Variants in LRRC37B observed in about 807,000 individuals in gnomAD.
The protein encoded by LRRC37B is leucine rich repeat containing 37B, also known as leucine-rich repeat-containing protein 37B.
Under a neutral mutation model 98.3 loss-of-function variants are expected in LRRC37B, and 28 were observed. The ratio of observed to expected loss-of-function variants is 0.28; its 90% CI spans 0.21 to 0.39. The LOEUF (loss-of-function observed/expected upper bound fraction) is 0.39, where lower values mean the gene tolerates loss of function less well. LRRC37B is among the 10% of genes least tolerant of loss of function. The probability of loss-of-function intolerance (pLI) is 1.00; values close to 1 mark genes in which losing one functional copy is unlikely to be tolerated. For missense variants in LRRC37B, 938 were observed against 1,182.7 expected, an observed-to-expected ratio of 0.79 and a Z score of 3.03; for synonymous variants, 364 against 442.7, an observed-to-expected ratio of 0.82 and a Z score of 2.23.
exon 1 of LRRC37B, chr17:32,022,757 C>T (rs1439116463): frequency 2.5e-6 from 4 of 1,614,028 alleles, no homozygotes; most frequent in African/African-American, 1.3e-5. Context: ...TTGGTCTCAG[C>T]CCAAAGCAGA....
intron 2 of LRRC37B, among the ~76,000 whole-genome samples, chr17:32,025,161 C>A (rs1251103884): frequency 7.0e-6 from 1 of 143,220 alleles, no homozygotes; most frequent in Admixed American, 7.0e-5. Flanking sequence ...CTCAGCCTCC[C>A]AAGCAGCTGG....
intron 1 of LRRC37B, among the ~76,000 whole-genome samples, chr17:32,015,696 T>C (rs1457807343): frequency 6.6e-6 from 1 of 152,240 alleles, no homozygotes; most frequent in East Asian, 1.9e-4. Context: ...ACTTTACCTC[T>C]GCACCTCTGC....
At chr17:32,013,333 GT>G (rs934949322) in intron 1 of LRRC37B, among the ~76,000 whole-genome samples, 2 of 151,612 alleles carry the variant, frequency 1.3e-5, no homozygotes, top group African/African-American at 4.8e-5. Context: ...ATGGTTTCTT[GT>G]TTTTTTTATT....
At chr17:32,025,315 C>A (rs1435341901) in intron 2 of LRRC37B, among the ~76,000 whole-genome samples, 7 of 151,694 alleles carry the variant, frequency 4.6e-5, no homozygotes, top group Non-Finnish European at 7.4e-5. Context: ...ATATTATAGG[C>A]ATGAGCCACC....
chr17:32,049,430 C>T, intron 10 of LRRC37B, 36 bp downstream of exon 13: 1 of 1,586,402 alleles, frequency 6.3e-7, no homozygotes. Flanking sequence ...CCCAGATTTC[C>T]CATCATTTAG....
chr17:32,051,205 G>C (rs899993609), intron 11 of LRRC37B: 1 of 152,228 alleles, frequency 6.6e-6, no homozygotes, highest in African/African-American at 2.4e-5. Flanking sequence ...GAATAGGCCA[G>C]GTGCGGTGGC....
At chr17:32,022,276 C>A (rs143084075) in exon 1 of LRRC37B, 1 of 1,613,836 alleles carries the variant, frequency 6.2e-7, no homozygotes, top group Non-Finnish European at 8.5e-7. Context: ...CCCGAGGAGG[C>A]GGAACCTTCT....
At chr17:32,014,107 A>T (rs1910598333) in intron 1 of LRRC37B, among the ~76,000 whole-genome samples, 1 of 152,208 alleles carries the variant, frequency 6.6e-6, no homozygotes, top group Non-Finnish European at 1.5e-5. Flanking sequence ...AACTCCAGTT[A>T]TGTATTTCAA....
intron 7 of LRRC37B, among the ~76,000 whole-genome samples, chr17:32,039,502 ATATATATATATATATATATATGTATG>A (rs1448095261): frequency 1.7e-5 from 1 of 57,160 alleles, no homozygotes; most frequent in Non-Finnish European, 2.9e-5. Context: ...ATATATATAT[ATATATATATATATATATATATGTATG>A]TATTTTTATA....
chr17:32,041,270 T>C (rs751787983), intron 7 of LRRC37B: 19 of 764,262 alleles, frequency 2.5e-5, no homozygotes, highest in Middle Eastern at 2.3e-4. Context: ...TCCCCAAGAT[T>C]GCAGCTTCAT....
At chr17:32,027,345 TTGCTTGTGTGTGTG>T (rs953851315) in intron 2 of LRRC37B, among the ~76,000 whole-genome samples, 4 of 150,140 alleles carry the variant, frequency 2.7e-5, no homozygotes, top group African/African-American at 4.9e-5. Flanking sequence ...ACGTGTGTGC[TTGCTTGTGTGTGTG>T]TGCTTGTGTG....
At chr17:32,007,839 G>C (rs1186089474), upstream of LRRC37B, 49 of 1,168,970 alleles carry the variant, frequency 4.2e-5, no homozygotes, top group Non-Finnish European at 5.2e-5. The surrounding 1 kb of genome is among the most constrained non-coding windows in gnomAD (Gnocchi z 4.1). Flanking sequence ...ACCGCCGCCG[G>C]CCCGCCCCGC....
Position 32,021,749 on chromosome 17 carries a change from C to T in LRRC37B, c.684C>T (p.Ser228=), listed in dbSNP as rs34912557. The change falls in exon 1 of 12, where the codon AGC becomes AGT. Residue 228 remains serine, a synonymous_variant. Transcript: ENST00000327564. The stretch of plus-strand genomic sequence containing the variant: ...AGAAAGATCTAGCTGAACGTTGGAG[C>T]CTTCCTGAGATTGTTGGGATTCCAC... The T allele has an allele frequency of 1.1e-5, 18 of 1,614,176 alleles. No homozygotes were observed. The South Asian group carries it at 1.9e-4, about 17-fold the overall frequency.
At chr17:32,045,261 G>T (rs1339693819) in intron 7 of LRRC37B, among the ~76,000 whole-genome samples, 1 of 151,908 alleles carries the variant, frequency 6.6e-6, no homozygotes, top group Admixed American at 6.6e-5. Flanking sequence ...CACAATCCAG[G>T]TTAAGCTGAG....
At chr17:32,031,326 T>C (rs1911100650) in intron 4 of LRRC37B, 52 bp from the exon 8 acceptor site, 2 of 1,586,534 alleles carry the variant, frequency 1.3e-6, no homozygotes, top group Admixed American at 1.8e-5. Context: ...CAGCAAATGA[T>C]AAATGTTCTG....
chr17:32,018,242 G>A (rs1244004143), upstream of LRRC37B, among the ~76,000 whole-genome samples: 1 of 152,026 alleles, frequency 6.6e-6, no homozygotes. Flanking sequence ...CAGGAGAATC[G>A]CTTGAACCAA....
At chr17:32,015,732 G>T (rs1467636129) in intron 1 of LRRC37B, among the ~76,000 whole-genome samples, 1 of 152,152 alleles carries the variant, frequency 6.6e-6, no homozygotes, top group African/African-American at 2.4e-5. Flanking sequence ...TTGTTTATGG[G>T]TGTCATTGGT....
At chr17:32,009,085 C>T (rs1034070772) in intron 1 of LRRC37B, among the ~76,000 whole-genome samples, 9 of 152,072 alleles carry the variant, frequency 5.9e-5, no homozygotes, top group East Asian at 1.9e-4. Context: ...TGTATCCTCC[C>T]TAGCACTTGA....
upstream of LRRC37B, among the ~76,000 whole-genome samples, chr17:32,007,637 C>T (rs1910438913): frequency 6.6e-6 from 1 of 151,524 alleles, no homozygotes; most frequent in Non-Finnish European, 1.5e-5. This position sits in a 1 kb window ranked among gnomAD's most constrained non-coding sequence, Gnocchi z 4.1. Flanking sequence ...GCCGACCAAG[C>T]AGCCCGCGGC....
Sources: gnomAD v4.1 joint callset for allele counts (sites outside exome capture counted in the v4.1 genomes callset) on GRCh38, gnomAD v4.1.1 for gene constraint, Gnocchi (gnomAD v3.1) non-coding constraint, MANE v1.5 for transcripts, NCBI Gene and HGNC (gene_info 2026-07-23, HGNC 2026-07-21) for gene names.